The following INSL6 variants were observed in gnomAD, a reference collection of about 807,000 sequenced individuals.
The protein encoded by INSL6 is insulin like 6.
INSL6 carries 16 observed loss-of-function variants against 9.4 expected under a neutral mutation model. The observed-to-expected ratio is 1.70, with a 90% CI of 1.15 to 2.59. The LOEUF is 2.59. INSL6 is among the 30% of genes most tolerant of loss of function. INSL6 has a pLI of 0.00. For missense variants in INSL6, 391 were observed against 257.3 expected (o/e 1.52, Z -3.56); for synonymous variants, 154 against 96.9 (o/e 1.59, Z -3.46).
chr9:5,041,103 C>G, the INSL6 span: 1 of 761,966 alleles, frequency 1.3e-6, no homozygotes, highest in South Asian at 1.5e-5. Context: ...AGGACCTGTT[C>G]GACCTTCACG....
chr9:5,099,134 C>A, the INSL6 span: 1 of 152,232 alleles, frequency 6.6e-6, no homozygotes, highest in East Asian at 1.9e-4. Flanking sequence ...ATCCTGCACT[C>A]ATGAACTATC....
At chr9:5,148,742 C>T (rs997618062) in intron 2 of INSL6, among the ~76,000 whole-genome samples, 11 of 152,162 alleles carry the variant, frequency 7.2e-5, no homozygotes, top group Non-Finnish European at 1.6e-4. Context: ...AGGACCTGCT[C>T]GTGGCTCCCT....
the INSL6 span, among the ~76,000 whole-genome samples, chr9:5,036,070 G>A: frequency 3.9e-5 from 6 of 152,248 alleles, no homozygotes; most frequent in East Asian, 1.9e-4. Context: ...AATCACAAGC[G>A]TTCTTACCCA....
chr9:5,070,031 C>A, the INSL6 span: 7 of 1,605,434 alleles, frequency 4.4e-6, no homozygotes, highest in Admixed American at 5.1e-5. Context: ...TTCACAAAAT[C>A]AGAAATGAAG....
chr9:5,018,274 G>A, the INSL6 span, among the ~76,000 whole-genome samples: 3 of 152,070 alleles, frequency 2.0e-5, no homozygotes, highest in South Asian at 6.2e-4. Flanking sequence ...TTACCAGTGG[G>A]TTTGATACTT....
At chr9:5,156,037 C>T (rs1824809456) in intron 2 of INSL6, among the ~76,000 whole-genome samples, 1 of 151,992 alleles carries the variant, frequency 6.6e-6, no homozygotes, top group Non-Finnish European at 1.5e-5. Flanking sequence ...AGCATTTATA[C>T]AGATCCTATA....
At chr9:5,041,546 C>G in the INSL6 span, 1 of 533,466 alleles carries the variant, frequency 1.9e-6, no homozygotes, top group Non-Finnish European at 3.7e-6. Flanking sequence ...GCGAGAACTT[C>G]CCAGAGGAGA....
the INSL6 span, among the ~76,000 whole-genome samples, chr9:5,047,052 A>G: frequency 6.6e-6 from 1 of 152,196 alleles, no homozygotes; most frequent in Admixed American, 6.5e-5. Context: ...CTAGCATGGC[A>G]AGGTAATTCC....
At chr9:5,079,011 A>G in the INSL6 span, among the ~76,000 whole-genome samples, 1 of 152,126 alleles carries the variant, frequency 6.6e-6, no homozygotes, top group Non-Finnish European at 1.5e-5. Context: ...ATCTTAGATA[A>G]TTTCTCTAAT....
At chr9:5,090,420 C>A in the INSL6 span, 1 of 1,480,982 alleles carries the variant, frequency 6.8e-7, no homozygotes, top group Non-Finnish European at 9.1e-7. Context: ...CAGAGTAAAA[C>A]ATTATTTCCA....
downstream of INSL6, among the ~76,000 whole-genome samples, chr9:5,122,228 G>T: frequency 6.6e-6 from 1 of 152,072 alleles, no homozygotes; most frequent in East Asian, 1.9e-4. Context: ...CTATAATAAA[G>T]ATAAACTTAG....
chr9:5,027,626 T>A, the INSL6 span, among the ~76,000 whole-genome samples: 5 of 152,226 alleles, frequency 3.3e-5, no homozygotes, highest in African/African-American at 1.2e-4. Context: ...GATAGCATTT[T>A]ACCCGCAGTA....
chr9:5,059,861 TGTGACAG>T, the INSL6 span, among the ~76,000 whole-genome samples: 4 of 152,216 alleles, frequency 2.6e-5, no homozygotes, highest in Admixed American at 2.6e-4. Context: ...ATGAAGTGCC[TGTGACAG>T]TCTTTTGCAC....
intron 1 of INSL6, among the ~76,000 whole-genome samples, chr9:5,173,843 A>T (rs1052067020): frequency 6.6e-6 from 1 of 152,172 alleles, no homozygotes; most frequent in African/African-American, 2.4e-5. Context: ...CACAAAACCT[A>T]TCAACTTAGT....
the INSL6 span, chr9:5,022,151 T>C: frequency 3.7e-6 from 6 of 1,614,220 alleles, no homozygotes; most frequent in Non-Finnish European, 5.1e-6. Context: ...GCAGATTATC[T>C]GACCTTTCCA....
At chr9:5,118,744 C>T in the INSL6 span, among the ~76,000 whole-genome samples, 8 of 152,218 alleles carry the variant, frequency 5.3e-5, no homozygotes, top group South Asian at 2.1e-4. Context: ...ATTTCTATGA[C>T]GCCTTCTGAG....
chr9:5,085,283 C>T, the INSL6 span: 5 of 706,036 alleles, frequency 7.1e-6, no homozygotes, highest in Middle Eastern at 5.0e-4. Context: ...GTTGGTTTGC[C>T]TATGTTAGAA....
At chr9:5,011,032 G>A in the INSL6 span, among the ~76,000 whole-genome samples, 1 of 152,102 alleles carries the variant, frequency 6.6e-6, no homozygotes, top group African/African-American at 2.4e-5. Flanking sequence ...GTATGTGACT[G>A]CTTTTAAGAT....
In INSL6 at chr9:5,143,269, A is replaced by T. The variant is rs983574475; in HGVS notation, c.377-9677T>A. On this transcript the variant is annotated intron_variant, in intron 2 of 3. Transcript: ENST00000649639. ...TTTTAATAGTTTCAGTAGGAATGGT[A>T]CCAGCTCTTCTTTATACATCTCGTA... 6.6e-5 allele frequency among the ~76,000 whole-genome samples: 10 copies of T among 151,056 alleles called. No homozygotes were observed. The East Asian group carries it at 1.7e-3, about 26-fold the overall frequency.
Sources: allele counts gnomAD v4.1 joint callset (sites outside exome capture counted in the v4.1 genomes callset), GRCh38; gene constraint gnomAD v4.1.1; transcripts MANE v1.5; gene names NCBI Gene and HGNC (gene_info 2026-07-23, HGNC 2026-07-21).